Variants in CDC14A observed in about 807,000 individuals in gnomAD.
CDC14A encodes cell division cycle 14A, also known as dual specificity protein phosphatase CDC14A.
A neutral mutation model predicts 74.4 loss-of-function variants in CDC14A; 53 were observed. That is an observed-to-expected ratio of 0.71 (90% CI 0.57 to 0.89). The LOEUF (loss-of-function observed/expected upper bound fraction) is 0.89, where lower values mean the gene tolerates loss of function less well. CDC14A is among the 40% of genes least tolerant of loss of function. The pLI is 0.00. For synonymous variants in CDC14A, 247 were observed against 258.4 expected (o/e 0.96, Z 0.43); for missense variants, 646 against 713.7 (o/e 0.91, Z 1.08).
At chr1:100,510,755 A>G (rs1284802146) in intron 15 of CDC14A, among the ~76,000 whole-genome samples, 1 of 152,180 alleles carries the variant, frequency 6.6e-6, no homozygotes, top group Admixed American at 6.5e-5. Flanking sequence ...AACTTTGCCA[A>G]TTGGCTCCAT....
chr1:100,412,395 T>C (rs182500985), intron 4 of CDC14A, among the ~76,000 whole-genome samples: 3 of 152,084 alleles, frequency 2.0e-5, no homozygotes, highest in Non-Finnish European at 2.9e-5. Context: ...TTCTTGGTAT[T>C]ATCCATGGTG....
Position 100,347,155 on chromosome 1 carries a change from G to A in CDC14A, c.-126+1972G>A, listed in dbSNP as rs554680982. 2.8e-4 allele frequency among the ~76,000 whole-genome samples: 42 copies of A among 152,276 alleles called. 1 individual carries two copies. Among genetic ancestry groups the A allele is most frequent in the Admixed American group, 1.6e-3 (24 of 15,300 alleles). Reference sequence around the variant, plus strand: ...CTATAAGTTAAACAATGTAATTTAAGCTCACTAGGGAAAAATTAAGAAAAG... The same window carrying A: ...CTATAAGTTAAACAATGTAATTTAAACTCACTAGGGAAAAATTAAGAAAAG... On this transcript the variant is annotated intron_variant, in intron 1 of 14. Coordinates refer to the CDC14A transcript ENST00000635056.
intron 3 of CDC14A, among the ~76,000 whole-genome samples, chr1:100,378,412 T>C (rs964472143): frequency 6.6e-6 from 1 of 152,344 alleles, no homozygotes. Context: ...TAAGGATAAA[T>C]ACTAAATTAT....
At chr1:100,499,359 A>G (rs1648426569) in intron 15 of CDC14A, 97 bp downstream of exon 15, 5 of 1,612,808 alleles carry the variant, frequency 3.1e-6, no homozygotes, top group Non-Finnish European at 4.2e-6. Context: ...GAAATTTAAT[A>G]GTGCCAAGGA....
chr1:100,359,273 T>G (rs748103785), intron 2 of CDC14A, among the ~76,000 whole-genome samples: 1 of 152,162 alleles, frequency 6.6e-6, no homozygotes, highest in Non-Finnish European at 1.5e-5. Flanking sequence ...TTAGATGCTG[T>G]TATTATCACT....
chr1:100,429,284 C>A (rs1663348207), intron 5 of CDC14A, among the ~76,000 whole-genome samples: 1 of 151,216 alleles, frequency 6.6e-6, no homozygotes, highest in South Asian at 2.1e-4. Flanking sequence ...ATTATGCTGA[C>A]AATAAATAAC....
In CDC14A at chr1:100,459,124, CACAGAG is replaced by C. The variant is rs1232324848; in HGVS notation, c.608-3525_608-3520del. Among the ~76,000 whole-genome samples, 28 of 146,956 alleles carry C rather than the reference CACAGAG, an allele frequency of 1.9e-4. No individual in the cohort carries two copies. In the South Asian group the frequency reaches 5.1e-3, roughly 27 times the overall value. ...ACGCACACACACACACACACACACA[CACAGAG>C]AGAGAGAGAGAGAGAAAGATAGCTT... On this transcript the variant is annotated intron_variant, in intron 8 of 15. Transcript: ENST00000336454.
chr1:100,369,325 T>C (rs915362379), intron 2 of CDC14A, among the ~76,000 whole-genome samples: 1 of 152,202 alleles, frequency 6.6e-6, no homozygotes, highest in African/African-American at 2.4e-5. Context: ...GCCAGGATGG[T>C]CTTGATCTCT....
Position 100,352,761 on chromosome 1 carries a change from C to T in CDC14A, c.-194C>T. The T allele has an allele frequency of 3.5e-6, 5 of 1,412,516 alleles. No individual in the cohort carries two copies. In the East Asian group the frequency reaches 1.4e-4, roughly 38 times the overall value. The allele number at this position is 1,412,516 out of a possible 1,614,324, so 87.5% of individuals were successfully genotyped here. ...CCGCGCGGAGCGAGCTCGGGTTCCC[C>T]TCGGAATGTCCCCGGGGCGCCCGGC... is the stretch of plus-strand genomic sequence containing the variant. On this transcript the variant is annotated 5_prime_UTR_variant, in exon 1 of 16. Coordinates refer to ENST00000336454, the MANE Select transcript of CDC14A (RefSeq NM_003672.4).
At chr1:100,478,288 G>C (rs1013846051) in intron 10 of CDC14A, among the ~76,000 whole-genome samples, 1 of 151,996 alleles carries the variant, frequency 6.6e-6, no homozygotes, top group African/African-American at 2.4e-5. Flanking sequence ...GGTGGAGTCA[G>C]GCTGCTTTTA....
chr1:100,412,710 ATATATATATATAT>A (rs1212144791), intron 4 of CDC14A, among the ~76,000 whole-genome samples: 3 of 95,994 alleles, frequency 3.1e-5, no homozygotes, highest in African/African-American at 2.2e-4. Context: ...ATATATATAT[ATATATATATATAT>A]TTTATATATA....
chr1:100,499,449 G>T lies in CDC14A; in HGVS notation c.1755+187G>T, dbSNP rs7539619. 733 of 1,477,208 alleles carry T rather than the reference G, an allele frequency of 5.0e-4. 2 individuals carry two copies. Among genetic ancestry groups the T allele is most frequent in the South Asian group, 5.6e-4 (37 of 66,406 alleles). The allele number at this position is 1,477,208 out of a possible 1,614,324, so 91.5% of individuals were successfully genotyped here. A position where few individuals can be genotyped will look rare whatever the true frequency, so the allele number is the denominator to read the frequency against. ...TCTGCTAGCTCCTCTTCAAGTAAAC[G>T]CCAAGTCACAACTGGGTTTTCTTCC... On this transcript the variant is annotated intron_variant, in intron 15 of 15. Coordinates refer to ENST00000336454, the MANE Select transcript of CDC14A (RefSeq NM_003672.4).
intron 8 of CDC14A, among the ~76,000 whole-genome samples, chr1:100,456,554 C>T (rs1666711709): frequency 6.6e-6 from 1 of 151,670 alleles, no homozygotes; most frequent in South Asian, 2.1e-4. Flanking sequence ...CCTGCAATCC[C>T]AGCACTTTGG....
intron 4 of CDC14A, among the ~76,000 whole-genome samples, chr1:100,422,349 A>C (rs1306115995): frequency 1.3e-5 from 2 of 152,180 alleles, no homozygotes; most frequent in Non-Finnish European, 2.9e-5. Context: ...TGCTTTTCAA[A>C]GGTTGTTGTC....
chr1:100,391,303 T>C (rs1315770272), intron 4 of CDC14A, among the ~76,000 whole-genome samples: 1 of 147,450 alleles, frequency 6.8e-6, no homozygotes, highest in East Asian at 1.9e-4. Flanking sequence ...GTAGGCAAAC[T>C]GAATATAAAT....
At chr1:100,442,348 ATAC>A (rs1665035711) in intron 6 of CDC14A, among the ~76,000 whole-genome samples, 2 of 146,366 alleles carry the variant, frequency 1.4e-5, no homozygotes, top group African/African-American at 5.0e-5. Flanking sequence ...ATATATAAAT[ATAC>A]TATATTATAT....
intron 10 of CDC14A, among the ~76,000 whole-genome samples, chr1:100,475,983 G>A (rs367543709): frequency 8.5e-5 from 13 of 152,178 alleles, no homozygotes; most frequent in African/African-American, 2.7e-4. Context: ...GCCTGGCAGC[G>A]TGGAAATCCA....
chr1:100,486,309 T>C (rs1281528486), intron 11 of CDC14A, among the ~76,000 whole-genome samples: 1 of 152,212 alleles, frequency 6.6e-6, no homozygotes, highest in Admixed American at 6.5e-5. Context: ...CCCCAATTTG[T>C]TGAATTTAAG....
chr1:100,504,253 C>G (rs1433433265), intron 15 of CDC14A, among the ~76,000 whole-genome samples: 1 of 152,198 alleles, frequency 6.6e-6, no homozygotes, highest in African/African-American at 2.4e-5. Flanking sequence ...ACTCTTCTAT[C>G]TTAATCTTCA....
Sources: gnomAD v4.1 joint callset for allele counts (sites outside exome capture counted in the v4.1 genomes callset) on GRCh38, gnomAD v4.1.1 for gene constraint, MANE v1.5 for transcripts, NCBI Gene and HGNC (gene_info 2026-07-23, HGNC 2026-07-21) for gene names.